Variants in MACROH2A2 observed in about 807,000 individuals in gnomAD.
MACROH2A2 encodes the protein core histone macro-H2A.2.
MACROH2A2 carries 6 observed loss-of-function variants against 37.6 expected under a neutral mutation model. That is an observed-to-expected ratio of 0.16 (90% CI 0.09 to 0.32). The LOEUF (loss-of-function observed/expected upper bound fraction) is 0.32. Among genes scored for constraint, MACROH2A2 ranks in the 10% least tolerant of loss-of-function variants. The pLI, the probability that MACROH2A2 is intolerant of heterozygous loss-of-function variation, is 1.00. For synonymous variants in MACROH2A2, 192 were observed against 202.7 expected (o/e 0.95, Z 0.45); for missense variants, 290 against 485.9 (o/e 0.60, Z 3.79).
intron 6 of MACROH2A2, chr10:70,098,576 G>C (rs916422441): frequency 6.6e-5 from 10 of 152,138 alleles, no homozygotes; most frequent in African/African-American, 2.2e-4. Flanking sequence ...TTGTCCTATA[G>C]GGTTTCATGC....
At chr10:70,071,592 G>A (rs1051001188) in intron 1 of MACROH2A2, among the ~76,000 whole-genome samples, 6 of 152,270 alleles carry the variant, frequency 3.9e-5, no homozygotes, top group South Asian at 4.2e-4. Flanking sequence ...GAAATGCATC[G>A]TTAGGTGATT....
intron 8 of MACROH2A2, 51 bp from the exon 9 acceptor site, chr10:70,111,467 A>G (rs954247114): frequency 1.3e-6 from 2 of 1,551,062 alleles, no homozygotes; most frequent in South Asian, 1.1e-5. Flanking sequence ...TCATGCTCCC[A>G]TGGGTCCCAG....
intron 8 of MACROH2A2, 132 bp downstream of exon 8, chr10:70,109,339 C>A: frequency 1.4e-6 from 1 of 736,052 alleles, no homozygotes; most frequent in African/African-American, 1.7e-5. Context: ...GATGACAGGG[C>A]AGGAAACCCG....
intron 5 of MACROH2A2, among the ~76,000 whole-genome samples, chr10:70,095,295 G>A (rs2072268395): frequency 1.3e-5 from 2 of 151,802 alleles, no homozygotes; most frequent in South Asian, 4.2e-4. Context: ...GTGAACCTGG[G>A]AGGCAGAGCT....
chr10:70,053,489 C>G lies in MACROH2A2; in HGVS notation c.-60+489C>G, dbSNP rs2071989053. Among the ~76,000 whole-genome samples the G allele has an allele frequency of 1.3e-5, 2 of 151,694 alleles. No homozygotes were observed. Among genetic ancestry groups the G allele is most frequent in the Admixed American group, 6.6e-5 (1 of 15,254 alleles). On this transcript the variant is annotated intron_variant, in intron 1 of 8. Coordinates refer to ENST00000373255, the MANE Select transcript of MACROH2A2 (RefSeq NM_018649.3). This position sits in a 1 kb window ranked among gnomAD's most constrained non-coding sequence, Gnocchi z 4.8. ...CCGCTCGGGGGCCTCTGAAGGTGCC[C>G]GGGCAGGGCGCCGGCGGCTCCAGGC...
chr10:70,090,975 TG>T lies in MACROH2A2; in HGVS notation c.280-781del, dbSNP rs147818250. ...ATATATTAGTGGAGTAGTACGTGTCTGTTCTTTGCAGATAAATTAACTTATA... is the reference window on the plus strand; with the variant it reads ...ATATATTAGTGGAGTAGTACGTGTCTTTCTTTGCAGATAAATTAACTTATA... On this transcript the variant is annotated intron_variant, in intron 3 of 8. Transcript: ENST00000373255. Among the ~76,000 whole-genome samples, 1,095 of 152,366 alleles carry T rather than the reference TG, an allele frequency of 7.2e-3. 16 individuals are homozygous for T. Among genetic ancestry groups the T allele is most frequent in the African/African-American group, 0.025 (1,022 of 41,584 alleles).
At chr10:70,066,621 T>C (rs1184334688) in intron 1 of MACROH2A2, among the ~76,000 whole-genome samples, 1 of 152,184 alleles carries the variant, frequency 6.6e-6, no homozygotes, top group African/African-American at 2.4e-5. Flanking sequence ...CTGAGTGATT[T>C]TGAGGACATG....
At chr10:70,104,890 T>C (rs1589841198) in intron 7 of MACROH2A2, among the ~76,000 whole-genome samples, 1 of 152,142 alleles carries the variant, frequency 6.6e-6, no homozygotes, top group African/African-American at 2.4e-5. Flanking sequence ...ATTTCAACAA[T>C]ATTAAAATAT....
chr10:70,071,049 G>A (rs373641796), intron 1 of MACROH2A2, among the ~76,000 whole-genome samples: 3 of 151,530 alleles, frequency 2.0e-5, no homozygotes, highest in South Asian at 2.1e-4. Context: ...ACGTGCATGC[G>A]TGTGTGGGCG....
chr10:70,109,780 C>T (rs1213861977), intron 8 of MACROH2A2, among the ~76,000 whole-genome samples: 36 of 152,148 alleles, frequency 2.4e-4, no homozygotes. Context: ...GAAAATCTGT[C>T]CCCGAGTGAT....
rs1448806145 is a variant in MACROH2A2 at position 70,075,318 on chromosome 10, AC to A, written c.-59-280del. ...ATCTTTGGGGATCATTGTTCAGCTGACCACAGGACCGAGACCTCCCTATTCA... is the reference window on the plus strand; with the variant it reads ...ATCTTTGGGGATCATTGTTCAGCTGACACAGGACCGAGACCTCCCTATTCA... On this transcript the variant is annotated intron_variant, in intron 1 of 8. Transcript: ENST00000373255. The surrounding 1 kb of genome is among the most constrained non-coding windows in gnomAD (Gnocchi z 5.0). 6.6e-6 allele frequency among the ~76,000 whole-genome samples: 1 copy of A among 152,148 alleles called. No individual in the cohort carries two copies. The highest frequency in any genetic ancestry group is 2.4e-5 in the African/African-American group (1 of 41,422).
At chr10:70,084,042 CA>C (rs1344519845) in intron 2 of MACROH2A2, among the ~76,000 whole-genome samples, 1 of 152,064 alleles carries the variant, frequency 6.6e-6, no homozygotes, top group Non-Finnish European at 1.5e-5. Flanking sequence ...TCATATAATA[CA>C]TTTTCAACTG....
intron 1 of MACROH2A2, among the ~76,000 whole-genome samples, chr10:70,069,104 C>T (rs533210090): frequency 6.6e-6 from 1 of 152,272 alleles, no homozygotes; most frequent in Non-Finnish European, 1.5e-5. Flanking sequence ...GAGTTTATTG[C>T]CCGTGTCTGA....
In MACROH2A2 at chr10:70,100,197, C is replaced by T. The variant is rs3750770; in HGVS notation, c.689-11C>T. 125,717 of 1,516,470 alleles carry T rather than the reference C, an allele frequency of 0.083. 6,405 individuals are homozygous for T. The highest frequency in any genetic ancestry group is 0.2 in the East Asian group (8,671 of 44,350). The allele number at this position is 1,516,470 out of a possible 1,614,324, so 93.9% of individuals were successfully genotyped here. On this transcript the variant is annotated splice_polypyrimidine_tract_variant and intron_variant, in intron 6 of 8. Coordinates refer to ENST00000373255, the MANE Select transcript of MACROH2A2 (RefSeq NM_018649.3). ...ACAACCACAGTGGCTTCCCATTGCT[C>T]TCCTTTGCAGGTAAAGCCTTGGAAA...
chr10:70,103,718 G>A (rs558055653), intron 7 of MACROH2A2, among the ~76,000 whole-genome samples: 114 of 152,084 alleles, frequency 7.5e-4, no homozygotes, highest in African/African-American at 2.4e-3. Context: ...AAAGTAACCC[G>A]AGAGGAGAGG....
chr10:70,098,330 C>T (rs1235125273), intron 6 of MACROH2A2: 1 of 118,112 alleles, frequency 8.5e-6, no homozygotes, highest in East Asian at 2.7e-4. Context: ...AAGAGAGAGG[C>T]AGAGGGAGAG....
chr10:70,056,898 C>T (rs1035182280), intron 1 of MACROH2A2, among the ~76,000 whole-genome samples: 5 of 151,978 alleles, frequency 3.3e-5, no homozygotes, highest in Non-Finnish European at 4.4e-5. Context: ...AAGAGAAAAA[C>T]GAGCCAGTAG....
chr10:70,060,247 A>G (rs1055200088), intron 1 of MACROH2A2, among the ~76,000 whole-genome samples: 2 of 151,948 alleles, frequency 1.3e-5, no homozygotes, highest in African/African-American at 4.8e-5. Context: ...GTGGGCGCCT[A>G]TAATTCCAGC....
At chr10:70,068,304 T>G (rs1379123903) in intron 1 of MACROH2A2, among the ~76,000 whole-genome samples, 4 of 152,228 alleles carry the variant, frequency 2.6e-5, no homozygotes, top group Admixed American at 6.5e-5. Context: ...GTCTCCAGCA[T>G]GTTCTTGATA....
Sources: allele counts gnomAD v4.1 joint callset (sites outside exome capture counted in the v4.1 genomes callset), GRCh38; gene constraint gnomAD v4.1.1; non-coding constraint Gnocchi (gnomAD v3.1); transcripts MANE v1.5; gene names NCBI Gene and HGNC (gene_info 2026-07-23, HGNC 2026-07-21).